Variants in PDE1C observed in about 807,000 individuals in gnomAD.
The protein encoded by PDE1C is phosphodiesterase 1C.
Under a neutral mutation model 93.1 loss-of-function variants are expected in PDE1C, and 62 were observed. The ratio of observed to expected loss-of-function variants is 0.67; its 90% CI spans 0.54 to 0.82. The LOEUF (loss-of-function observed/expected upper bound fraction) is 0.82, where lower values mean the gene tolerates loss of function less well. PDE1C is among the 40% of genes least tolerant of loss of function. The pLI, the probability that PDE1C is intolerant of heterozygous loss-of-function variation, is 0.00. For synonymous variants in PDE1C, 325 were observed against 310.1 expected (o/e 1.05, Z -0.50); for missense variants, 742 against 884.6 (o/e 0.84, Z 2.04).
At chr7:31,968,646 C>T (rs1234657949) in intron 2 of PDE1C, among the ~76,000 whole-genome samples, 5 of 152,222 alleles carry the variant, frequency 3.3e-5, no homozygotes, top group African/African-American at 4.8e-5. Context: ...GAGCCCGCAT[C>T]GCCAGGTCAA....
intron 3 of PDE1C, among the ~76,000 whole-genome samples, chr7:32,103,161 A>C (rs1415622762): frequency 6.6e-6 from 1 of 152,222 alleles, no homozygotes; most frequent in Non-Finnish European, 1.5e-5. Context: ...AAAGGAGACA[A>C]AAAGAATGTG....
chr7:31,767,132 A>G (rs1030076590), intron 17 of PDE1C, among the ~76,000 whole-genome samples: 1 of 152,076 alleles, frequency 6.6e-6, no homozygotes, highest in Non-Finnish European at 1.5e-5. Flanking sequence ...TCTACTGTTT[A>G]ATTTTGTTTT....
chr7:32,137,249 C>A (rs1800264883), intron 3 of PDE1C, among the ~76,000 whole-genome samples: 1 of 152,192 alleles, frequency 6.6e-6, no homozygotes, highest in Non-Finnish European at 1.5e-5. Flanking sequence ...TCAATCACAG[C>A]AATCTAAAAA....
the PDE1C span, among the ~76,000 whole-genome samples, chr7:31,706,315 T>G: frequency 1.3e-5 from 2 of 152,020 alleles, no homozygotes; most frequent in African/African-American, 2.4e-5. Flanking sequence ...CAGTAAATTT[T>G]TAAAACAAAA....
intron 2 of PDE1C, among the ~76,000 whole-genome samples, chr7:31,975,709 T>C (rs1380230439): frequency 6.6e-6 from 1 of 152,242 alleles, no homozygotes. Flanking sequence ...AATTTCCTCA[T>C]CTGTAAAGTG....
the PDE1C span, among the ~76,000 whole-genome samples, chr7:31,664,130 C>T: frequency 6.6e-6 from 1 of 152,148 alleles, no homozygotes; most frequent in Non-Finnish European, 1.5e-5. Flanking sequence ...AACTCTGAAC[C>T]ACTGTCCAGT....
At chr7:32,009,391 G>A (rs2128582074) in intron 2 of PDE1C, among the ~76,000 whole-genome samples, 1 of 152,292 alleles carries the variant, frequency 6.6e-6, no homozygotes, top group East Asian at 1.9e-4. Context: ...GCTAAATAGA[G>A]AGATCTGCAA....
chr7:31,770,377 G>A lies in PDE1C; in HGVS notation c.1960+5287C>T, dbSNP rs77296484. On this transcript the variant is annotated intron_variant, in intron 17 of 17. Transcript: ENST00000396191. ...CACGTTCTTGATAGTGGTTTCCAAAGCACAAAAGTTTTTTATTTTAATGAA... is the reference window on the plus strand; with the variant it reads ...CACGTTCTTGATAGTGGTTTCCAAAACACAAAAGTTTTTTATTTTAATGAA... Among the ~76,000 whole-genome samples, 826 of 152,128 alleles carry A rather than the reference G, an allele frequency of 5.4e-3. 6 individuals carry two copies. The highest frequency in any genetic ancestry group is 0.018 in the African/African-American group (763 of 41,522).
chr7:31,740,451 A>G, the PDE1C span, among the ~76,000 whole-genome samples: 21 of 152,362 alleles, frequency 1.4e-4, no homozygotes, highest in Middle Eastern at 3.4e-3. Flanking sequence ...GAGAAAGTGC[A>G]TGATTCAAAT....
chr7:32,415,081 A>G (rs1388290794), intron 1 of PDE1C, among the ~76,000 whole-genome samples: 2 of 152,152 alleles, frequency 1.3e-5, no homozygotes, highest in African/African-American at 4.8e-5. Flanking sequence ...CTTAATCTCA[A>G]CACTTTGGGA....
chr7:32,026,936 T>C (rs1296706063), intron 2 of PDE1C, among the ~76,000 whole-genome samples: 1 of 152,166 alleles, frequency 6.6e-6, no homozygotes, highest in Non-Finnish European at 1.5e-5. Context: ...TGCTGTATGA[T>C]TCCAACTATA....
intron 1 of PDE1C, among the ~76,000 whole-genome samples, chr7:32,387,152 A>AGT (rs1275075227): frequency 1.3e-5 from 2 of 151,470 alleles, no homozygotes; most frequent in Non-Finnish European, 2.9e-5. Context: ...TTTAACCCTG[A>AGT]GTGGACACAG....
At chr7:32,135,388 T>C (rs1300007130) in intron 3 of PDE1C, among the ~76,000 whole-genome samples, 2 of 151,920 alleles carry the variant, frequency 1.3e-5, no homozygotes, top group Non-Finnish European at 2.9e-5. Flanking sequence ...GGGGTTAATA[T>C]AAAAATATAT....
In PDE1C at chr7:32,420,182, CATATATATGTGTATATATAT is replaced by C. The variant is rs1562716613; in HGVS notation, c.310+7620_310+7639del. ...ACATATATATGTGTATATATATACA[CATATATATGTGTATATATAT>C]ACATATATATGTATATATACATATA... On this transcript the variant is annotated intron_variant, in intron 1 of 1. Transcript: ENST00000672256. 3.6e-4 allele frequency among the ~76,000 whole-genome samples: 13 copies of C among 35,972 alleles called. 3 individuals carry two copies. Among genetic ancestry groups the C allele is most frequent in the South Asian group, 8.0e-4 (1 of 1,246 alleles). The allele number at this position is 35,972 out of a possible 152,430, so 23.6% of individuals were successfully genotyped here.
intron 12 of PDE1C, among the ~76,000 whole-genome samples, chr7:31,825,398 G>C (rs533547915): frequency 5.3e-5 from 8 of 152,232 alleles, no homozygotes; most frequent in South Asian, 4.1e-4. Flanking sequence ...AGAGATGGGA[G>C]GGTGTAAGAT....
chr7:32,177,120 A>C (rs1410397533), intron 2 of PDE1C, among the ~76,000 whole-genome samples: 1 of 152,214 alleles, frequency 6.6e-6, no homozygotes, highest in East Asian at 1.9e-4. Flanking sequence ...AACAAAGAAC[A>C]CTGCCGTGTG....
Position 32,377,365 on chromosome 7 carries a change from T to C in PDE1C, c.310+50457A>G, listed in dbSNP as rs2128089315. On this transcript the variant is annotated intron_variant, in intron 1 of 1. Coordinates refer to the PDE1C transcript ENST00000672256. ...ATACCACTATTATAACCACAATACA[T>C]TGCAATAGAGTTAGCCTGTAACACT... Among the ~76,000 whole-genome samples, 3 of 152,336 alleles carry C rather than the reference T, an allele frequency of 2.0e-5. No homozygotes were observed. In the Middle Eastern group the frequency reaches 0.01, roughly 518 times the overall value.
intron 3 of PDE1C, among the ~76,000 whole-genome samples, chr7:32,103,532 A>G (rs938529127): frequency 2.0e-5 from 3 of 152,194 alleles, no homozygotes; most frequent in African/African-American, 7.2e-5. Context: ...AGAAAATAAC[A>G]CAATGTACCA....
chr7:31,809,081 G>C lies in PDE1C; in HGVS notation c.1841C>G (p.Thr614Arg), dbSNP rs1478296831. The part of the protein sequence containing the change: ...NGDFKDGKNK[T>R]DKKDHSNIGN... ...GATGTTAGAGTGATCCTTCTTGTCT[G>C]TCTTATTTTTACCATCTTTGAAGTC... is the stretch of plus-strand genomic sequence containing the variant. Residue 614 changes from threonine to arginine, a missense_variant, in exon 16 of 18, where the codon ACA (threonine) becomes AGA (arginine). Physicochemically the swap from Thr to Arg is moderately conservative, Grantham distance 71. This residue lies in a region of PDE1C where 454 missense variants were observed against 459.4 expected (regional missense o/e 0.99). Transcript: ENST00000396191. 1 of 1,594,542 alleles carries C rather than the reference G, an allele frequency of 6.3e-7. No homozygotes were observed. The highest frequency in any genetic ancestry group is 8.6e-7 in the Non-Finnish European group (1 of 1,163,376).
Sources: allele counts gnomAD v4.1 joint callset (sites outside exome capture counted in the v4.1 genomes callset), GRCh38; gene constraint gnomAD v4.1.1; regional missense constraint gnomAD v4.1.1; transcripts MANE v1.5; gene names NCBI Gene and HGNC (gene_info 2026-07-23, HGNC 2026-07-21).